Variants in PCDHA7 observed in about 807,000 individuals in gnomAD.
PCDHA7 encodes the protein protocadherin alpha 7.
A neutral mutation model predicts 57.2 loss-of-function variants in PCDHA7; 37 were observed. The observed-to-expected ratio is 0.65, with a 90% CI of 0.50 to 0.85. The LOEUF (loss-of-function observed/expected upper bound fraction) is 0.85, where lower values mean the gene tolerates loss of function less well. Ranked by LOEUF, PCDHA7 falls within the 40% of genes least tolerant of loss-of-function variation. PCDHA7 has a pLI of 0.00. For synonymous variants in PCDHA7, 553 were observed against 558.8 expected, an observed-to-expected ratio of 0.99 and a Z score of 0.15; for missense variants, 1,188 against 1,241.8, an observed-to-expected ratio of 0.96 and a Z score of 0.65.
chr5:140,883,355 A>T (rs763058953), intron 1 of PCDHA7: 2 of 1,614,076 alleles, frequency 1.2e-6, no homozygotes, highest in Admixed American at 3.3e-5. Context: ...CAGAGAAGAC[A>T]CTCAGCCTAG....
chr5:140,897,726 A>T (rs149995278), intron 1 of PCDHA7, among the ~76,000 whole-genome samples: 22,632 of 152,088 alleles, frequency 0.15, 1,739 homozygotes, highest in Middle Eastern at 0.2. Flanking sequence ...GCTGGGTCAA[A>T]TAGTATTTCT....
chr5:140,941,185 CT>C (rs782102770), intron 1 of PCDHA7, among the ~76,000 whole-genome samples: 20 of 102,174 alleles, frequency 2.0e-4, no homozygotes, highest in Admixed American at 7.9e-4. Context: ...CATCCTGCTT[CT>C]TTTTTTTTCT....
chr5:140,937,595 C>A (rs940943581), intron 1 of PCDHA7, among the ~76,000 whole-genome samples: 1 of 150,652 alleles, frequency 6.6e-6, no homozygotes, highest in South Asian at 2.1e-4. Flanking sequence ...CTAGCCTGGG[C>A]AACAGAGTGA....
chr5:140,915,744 G>A (rs2077291791), intron 1 of PCDHA7, among the ~76,000 whole-genome samples: 1 of 151,896 alleles, frequency 6.6e-6, no homozygotes, highest in South Asian at 2.1e-4. Flanking sequence ...CAGACCTATA[G>A]CCAGCACAGC....
Position 140,849,757 on chromosome 5 carries a change from A to G in PCDHA7, c.2355+13019A>G, listed in dbSNP as rs2041104980. ...CTGGACCGCGAGAGTGTGTCCGCCT[A>G]CGAGCTGGTGGTTACCGCGCGGGAC... On this transcript the variant is annotated intron_variant, in intron 1 of 3. Transcript: ENST00000525929. 3.1e-6 allele frequency: 5 copies of G among 1,598,418 alleles called. No homozygotes were observed. The African/African-American group carries it at 6.7e-5, about 21-fold the overall frequency.
chr5:140,927,564 G>A (rs868927450), intron 1 of PCDHA7: 1 of 1,614,150 alleles, frequency 6.2e-7, no homozygotes, highest in South Asian at 1.1e-5. Context: ...TCATTGTGGT[G>A]GACACAAATG....
chr5:140,850,875 G>A lies in PCDHA7; in HGVS notation c.2355+14137G>A, dbSNP rs201934627. 18 of 1,590,472 alleles carry A rather than the reference G, an allele frequency of 1.1e-5. 3 individuals carry two copies. The highest frequency in any genetic ancestry group is 1.5e-5 in the Non-Finnish European group (18 of 1,162,510). ...AACGGGAGAACCCTCTGCTTCCTCAGATTCAACTGGGAAGGTGGGTTTTTC... is the reference window on the plus strand; with the variant it reads ...AACGGGAGAACCCTCTGCTTCCTCAAATTCAACTGGGAAGGTGGGTTTTTC... On this transcript the variant is annotated intron_variant, in intron 1 of 3. Transcript: ENST00000525929.
intron 1 of PCDHA7, chr5:140,883,784 A>G (rs2059818732): frequency 3.7e-6 from 6 of 1,612,354 alleles, no homozygotes; most frequent in Non-Finnish European, 4.2e-6. Context: ...TGCGCTGTCG[A>G]GCTACGTGTC....
At chr5:141,002,331 C>T (rs550513057) in intron 3 of PCDHA7, among the ~76,000 whole-genome samples, 1 of 152,372 alleles carries the variant, frequency 6.6e-6, no homozygotes, top group South Asian at 2.1e-4. Context: ...CGGGCTGCAT[C>T]CGCACCCCTT....
At chr5:140,886,903 A>G (rs1432603652) in intron 1 of PCDHA7, among the ~76,000 whole-genome samples, 1 of 152,188 alleles carries the variant, frequency 6.6e-6, no homozygotes, top group East Asian at 1.9e-4. Context: ...CATTTAATAA[A>G]TACTTATTGA....
intron 1 of PCDHA7, among the ~76,000 whole-genome samples, chr5:140,900,475 C>G (rs2153470131): frequency 6.6e-6 from 1 of 152,298 alleles, no homozygotes; most frequent in East Asian, 1.9e-4. Flanking sequence ...CGGAGTTTCT[C>G]CATGTTGGTC....
chr5:140,848,483 C>A, intron 1 of PCDHA7: 1 of 1,570,024 alleles, frequency 6.4e-7, no homozygotes, highest in Non-Finnish European at 8.7e-7. Context: ...TAGAAGAAGA[C>A]TGAGTATTTG....
chr5:140,836,660 C>T lies in PCDHA7; in HGVS notation c.2277C>T (p.Cys759=), dbSNP rs2150267117. Residue 759 remains cysteine, a synonymous_variant, in exon 1 of 4, where the codon TGC becomes TGT. Coordinates refer to ENST00000525929, the MANE Select transcript of PCDHA7 (RefSeq NM_018910.3). ...SFSQQRRQRV[C]SGEGPPKTDL... ...CCCAGCAGAGGCGGCAGAGGGTGTG[C>T]TCTGGGGAGGGCCCACCCAAGACAG... 1 of 1,613,436 alleles carries T rather than the reference C, an allele frequency of 6.2e-7. No individual in the cohort carries two copies. The highest frequency in any genetic ancestry group is 8.5e-7 in the Non-Finnish European group (1 of 1,179,616).
At chr5:140,966,063 C>T (rs2095963895) in intron 1 of PCDHA7, 1 of 153,130 alleles carries the variant, frequency 6.5e-6, no homozygotes, top group African/African-American at 2.4e-5. Flanking sequence ...CAGAGCGCCT[C>T]CCCCTGCGTT....
rs2150422105 is a variant in PCDHA7 at position 140,848,832 on chromosome 5, C to G, written c.2355+12094C>G. On this transcript the variant is annotated intron_variant, in intron 1 of 3. Transcript: ENST00000525929. ...CCACCTGGAGGTGATCGTAGACAGG[C>G]CGCTGCAGGTTTTCCATGTGGACGT... is the stretch of plus-strand genomic sequence containing the variant. 3.8e-6 allele frequency: 6 copies of G among 1,590,118 alleles called. 1 individual carries two copies. Among genetic ancestry groups the G allele is most frequent in the Non-Finnish European group, 5.2e-6 (6 of 1,161,950 alleles).
rs781785142 is a variant in PCDHA7, at chr5:140,871,450, G to A, written c.2355+34712G>A. 4 of 1,608,718 alleles carry A rather than the reference G, an allele frequency of 2.5e-6. No individual in the cohort carries two copies. The highest frequency in any genetic ancestry group is 2.2e-5 in the South Asian group (2 of 90,488). ...TCTTCCTCTAGGTCTGAATAAAGAG[G>A]AGGAAGGGGAAAGACAGGAGCCAGG... On this transcript the variant is annotated intron_variant, in intron 1 of 3. Coordinates refer to ENST00000525929, the MANE Select transcript of PCDHA7 (RefSeq NM_018910.3).
chr5:140,962,023 A>G (rs565113928), intron 1 of PCDHA7, among the ~76,000 whole-genome samples: 3 of 152,062 alleles, frequency 2.0e-5, no homozygotes, highest in African/African-American at 7.2e-5. Flanking sequence ...AGCTGGGACT[A>G]CAGGCACCCA....
intron 1 of PCDHA7, chr5:140,861,780 G>A (rs2047084073): frequency 1.2e-5 from 2 of 161,142 alleles, no homozygotes; most frequent in African/African-American, 2.4e-5. Flanking sequence ...CCAAGAGCAG[G>A]TAAAACCACT....
intron 1 of PCDHA7, chr5:140,876,480 C>A (rs368324550): frequency 6.2e-7 from 1 of 1,613,992 alleles, no homozygotes; most frequent in Non-Finnish European, 8.5e-7. Context: ...ACAGCATGGT[C>A]CTGGTGGAAG....
Sources: allele counts gnomAD v4.1 joint callset (sites outside exome capture counted in the v4.1 genomes callset), GRCh38; gene constraint gnomAD v4.1.1; transcripts MANE v1.5; gene names NCBI Gene and HGNC (gene_info 2026-07-23, HGNC 2026-07-21).